The following ARHGAP29 variants were observed in gnomAD, a reference collection of about 807,000 sequenced individuals.
ARHGAP29 encodes rho GTPase-activating protein 29.
Under a neutral mutation model 122.6 loss-of-function variants are expected in ARHGAP29, and 43 were observed. The ratio of observed to expected loss-of-function variants is 0.35; its 90% CI spans 0.27 to 0.45. The LOEUF (loss-of-function observed/expected upper bound fraction) is 0.45. Ranked by LOEUF, ARHGAP29 falls within the 20% of genes least tolerant of loss-of-function variation. The pLI is 1.00. For synonymous variants in ARHGAP29, 506 were observed against 497.1 expected, an observed-to-expected ratio of 1.02 and a Z score of -0.24; for missense variants, 1,303 against 1,477.2, an observed-to-expected ratio of 0.88 and a Z score of 1.93.
chr1:94,184,405 A>AT (rs1649664195), intron 18 of ARHGAP29, 117 bp from the exon 19 acceptor site: 1 of 810,400 alleles, frequency 1.2e-6, no homozygotes, highest in Non-Finnish European at 1.9e-6. Context: ...TTTTATTATT[A>AT]TTTTAGAAAA....
intron 11 of ARHGAP29, chr1:94,202,098 T>G (rs1557857070): frequency 2.2e-6 from 1 of 445,014 alleles, no homozygotes. Flanking sequence ...TGAAATAGCA[T>G]TTTATATTTA....
intron 3 of ARHGAP29, among the ~76,000 whole-genome samples, chr1:94,215,566 C>T (rs568120604): frequency 1.1e-3 from 168 of 151,942 alleles, no homozygotes; most frequent in African/African-American, 3.7e-3. Flanking sequence ...AAATTAGTGG[C>T]GAAAATATGA....
chr1:94,250,718 G>A (rs1039491953), intron 1 of ARHGAP29, among the ~76,000 whole-genome samples: 1 of 152,174 alleles, frequency 6.6e-6, no homozygotes, highest in Non-Finnish European at 1.5e-5. Context: ...ATAAGGACAG[G>A]AAACTAAGAT....
At chr1:94,184,081 T>A (rs1487162973) in intron 19 of ARHGAP29, 70 bp downstream of exon 19, 3 of 1,518,322 alleles carry the variant, frequency 2.0e-6, no homozygotes, top group Non-Finnish European at 2.7e-6. Flanking sequence ...GCAAATGTTA[T>A]CAGCAAAATA....
At chr1:94,199,783 TG>T (rs1650720675) in intron 12 of ARHGAP29, among the ~76,000 whole-genome samples, 1 of 152,204 alleles carries the variant, frequency 6.6e-6, no homozygotes, top group Admixed American at 6.5e-5. Context: ...TACTTACGCT[TG>T]CCAAACCTGG....
intron 16 of ARHGAP29, among the ~76,000 whole-genome samples, chr1:94,185,782 C>A (rs934096337): frequency 6.6e-6 from 1 of 152,118 alleles, no homozygotes; most frequent in Non-Finnish European, 1.5e-5. Context: ...TTAATATGCT[C>A]TTTCATAGAG....
Position 94,237,296 on chromosome 1 carries a change from G to A in ARHGAP29, c.-33+119C>T, listed in dbSNP as rs2101629782. 4.3e-6 allele frequency: 3 copies of A among 692,878 alleles called. No homozygotes were observed. In the African/African-American group the frequency reaches 5.8e-5, roughly 13 times the overall value. 42.9% of individuals were successfully genotyped at this position (692,878 alleles called of 1,614,324 possible). On this transcript the variant is annotated intron_variant, in intron 1 of 22. Transcript: ENST00000260526. ...GCGCAGCCTGCCACCGCTTCCACTC[G>A]GGGCCGCCCCGCGGGCCTCCCGGAC... is the stretch of plus-strand genomic sequence containing the variant.
At chr1:94,240,805 T>C (rs1653544415), upstream of ARHGAP29, among the ~76,000 whole-genome samples, 1 of 152,250 alleles carries the variant, frequency 6.6e-6, no homozygotes, top group Non-Finnish European at 1.5e-5. Flanking sequence ...TCATGTGTTC[T>C]CTTCAAAATG....
chr1:94,237,564 G>C lies in ARHGAP29; in HGVS notation c.-182C>G. On this transcript the variant is annotated 5_prime_UTR_variant, in exon 1 of 23. Coordinates refer to ENST00000260526, the MANE Select transcript of ARHGAP29 (RefSeq NM_004815.4). The stretch of plus-strand genomic sequence containing the variant: ...AGCCGCAGCCGCAGCCGCAGCCACA[G>C]CCACAGGCACCACCACCACTGCAGC... The C allele has an allele frequency of 9.1e-6, 9 of 991,808 alleles. No homozygotes were observed. Among genetic ancestry groups the C allele is most frequent in the Non-Finnish European group, 1.1e-5 (9 of 834,764 alleles). 61.4% of individuals were successfully genotyped at this position (991,808 alleles called of 1,614,324 possible).
At chr1:94,288,170 C>T in the ARHGAP29 span, among the ~76,000 whole-genome samples, 4 of 152,160 alleles carry the variant, frequency 2.6e-5, no homozygotes, top group African/African-American at 9.7e-5. Flanking sequence ...TGTTTCCTGA[C>T]GTTTTAATGA....
the ARHGAP29 span, chr1:94,302,597 CTG>C: frequency 1.6e-5 from 6 of 380,496 alleles, no homozygotes; most frequent in African/African-American, 1.1e-4. Flanking sequence ...CTCTGGGAAA[CTG>C]TGGTGTGATG....
At position 94,178,070 on chromosome 1, in the gene ARHGAP29, T is replaced by C. The variant is rs1649222487; in HGVS notation, c.2578A>G (p.Ile860Val). 1.2e-6 allele frequency: 2 copies of C among 1,614,064 alleles called. No individual in the cohort carries two copies. Among genetic ancestry groups the C allele is most frequent in the Non-Finnish European group, 1.7e-6 (2 of 1,180,038 alleles). ...LIRPRPTTAPITISSLAEYSN... is the reference protein window; with the variant it reads ...LIRPRPTTAPVTISSLAEYSN... Reference sequence around the variant, plus strand: ...TACTCTGCAAGGGAGGAGATGGTGATAGGAGCAGTTGTGGGCCTTGGCCTA... The same window carrying C: ...TACTCTGCAAGGGAGGAGATGGTGACAGGAGCAGTTGTGGGCCTTGGCCTA... The change falls in exon 21 of 23, where the codon ATC becomes GTC. Residue 860 changes from isoleucine (I) to valine (V), a missense_variant. This residue lies in a region of ARHGAP29 where 620 missense variants were observed against 651.2 expected (regional missense o/e 0.95). Transcript: ENST00000260526.
the ARHGAP29 span, among the ~76,000 whole-genome samples, chr1:94,301,710 A>G: frequency 6.6e-6 from 1 of 152,204 alleles, no homozygotes; most frequent in Admixed American, 6.5e-5. Context: ...ATCAAAAACA[A>G]TAGAATGCCT....
intron 1 of ARHGAP29, among the ~76,000 whole-genome samples, chr1:94,258,160 C>T (rs1654431802): frequency 6.6e-6 from 1 of 152,180 alleles, no homozygotes; most frequent in Admixed American, 6.5e-5. Flanking sequence ...GGTAACATGA[C>T]CATTCCTAAT....
chr1:94,265,113 A>G (rs1654711116), intron 1 of ARHGAP29, among the ~76,000 whole-genome samples: 1 of 151,854 alleles, frequency 6.6e-6, no homozygotes, highest in African/African-American at 2.4e-5. Context: ...ACTCTATTCC[A>G]CTCCCCAGAC....
At chr1:94,185,567 C>G (rs2101404063) in intron 16 of ARHGAP29, 86 bp from the exon 17 acceptor site, 2 of 1,171,384 alleles carry the variant, frequency 1.7e-6, no homozygotes, top group East Asian at 2.8e-5. Context: ...TCTTTAAACC[C>G]TGTAATCATT....
In ARHGAP29 at chr1:94,168,965, G is replaced by A. The variant is rs1338989291; in HGVS notation, c.*4904C>T. On this transcript the variant is annotated 3_prime_UTR_variant, in exon 23 of 23. Coordinates refer to ENST00000260526, the MANE Select transcript of ARHGAP29 (RefSeq NM_004815.4). Reference sequence around the variant, plus strand: ...TGCATGCTTATTTTATGGATGCAGAGTAGATTGGTTGAGTGTGAGGACACT... The same window carrying A: ...TGCATGCTTATTTTATGGATGCAGAATAGATTGGTTGAGTGTGAGGACACT... Among the ~76,000 whole-genome samples, 1 of 152,200 alleles carries A rather than the reference G, an allele frequency of 6.6e-6. No individual in the cohort carries two copies. Among genetic ancestry groups the A allele is most frequent in the Non-Finnish European group, 1.5e-5 (1 of 68,044 alleles).
chr1:94,313,429 C>G, the ARHGAP29 span, among the ~76,000 whole-genome samples: 1 of 152,262 alleles, frequency 6.6e-6, no homozygotes, highest in South Asian at 2.1e-4. Flanking sequence ...TAAAGTGTAT[C>G]TCCCCCCATC....
At chr1:94,247,330 GC>G (rs760543606) in intron 1 of ARHGAP29, among the ~76,000 whole-genome samples, 33 of 152,008 alleles carry the variant, frequency 2.2e-4, no homozygotes, top group Non-Finnish European at 4.1e-4. Context: ...AGTCCACCCG[GC>G]CAGCTTCTCC....
Sources: gnomAD v4.1 joint callset for allele counts (sites outside exome capture counted in the v4.1 genomes callset) on GRCh38, gnomAD v4.1.1 for gene constraint, gnomAD v4.1.1 regional missense constraint, MANE v1.5 for transcripts, NCBI Gene and HGNC (gene_info 2026-07-23, HGNC 2026-07-21) for gene names.